The following GPC6 variants were observed in gnomAD, a reference collection of about 807,000 sequenced individuals.
GPC6 encodes glypican 6, also known as glypican-6.
In GPC6, 14 loss-of-function variants were observed where a neutral mutation model predicts 55.2. That is an observed-to-expected ratio of 0.25 (90% confidence interval 0.17 to 0.40). The LOEUF is 0.40. Ranked by LOEUF, GPC6 falls within the 10% of genes least tolerant of loss-of-function variation. GPC6 has a pLI of 1.00. For synonymous variants in GPC6, 278 were observed against 259.6 expected (o/e 1.07, Z -0.68); for missense variants, 641 against 708.5 (o/e 0.90, Z 1.08).
chr13:93,878,887 G>A (rs1271670425), intron 3 of GPC6, among the ~76,000 whole-genome samples: 1 of 152,106 alleles, frequency 6.6e-6, no homozygotes, highest in African/African-American at 2.4e-5. Context: ...ACCAAGAGAG[G>A]CAGGGATACA....
chr13:93,450,758 C>T (rs917573828), intron 1 of GPC6: 17 of 927,670 alleles, frequency 1.8e-5, no homozygotes, highest in Non-Finnish European at 2.1e-5. Flanking sequence ...TAAGGATGAA[C>T]CTTTAGGAAA....
At chr13:93,393,633 TCTCTC>T (rs1566333699) in intron 1 of GPC6, among the ~76,000 whole-genome samples, 5 of 151,040 alleles carry the variant, frequency 3.3e-5, no homozygotes, top group East Asian at 2.0e-4. Flanking sequence ...AGACCTGTTC[TCTCTC>T]TCTCTCTCTC....
At chr13:93,799,691 T>C (rs1655516533) in intron 2 of GPC6, among the ~76,000 whole-genome samples, 1 of 152,188 alleles carries the variant, frequency 6.6e-6, no homozygotes, top group African/African-American at 2.4e-5. Context: ...AAAGATGGTA[T>C]AAATGCCTAT....
chr13:93,311,270 T>C (rs531248965), intron 1 of GPC6, among the ~76,000 whole-genome samples: 1 of 152,338 alleles, frequency 6.6e-6, no homozygotes, highest in South Asian at 2.1e-4. Context: ...TGTCTTAACA[T>C]GCATTCATTT....
intron 2 of GPC6, among the ~76,000 whole-genome samples, chr13:93,711,888 A>G (rs1883080353): frequency 6.6e-6 from 1 of 151,764 alleles, no homozygotes; most frequent in Non-Finnish European, 1.5e-5. Flanking sequence ...TGGTAAGACA[A>G]TTCACAAGTA....
upstream of GPC6, chr13:93,226,644 C>T (rs1397431902): frequency 3.3e-5 from 5 of 152,198 alleles, no homozygotes; most frequent in Non-Finnish European, 7.3e-5. Flanking sequence ...GATGTCATTT[C>T]AGATCGGTAT....
At chr13:93,414,126 A>T (rs1396717660) in intron 1 of GPC6, among the ~76,000 whole-genome samples, 1 of 152,174 alleles carries the variant, frequency 6.6e-6, no homozygotes, top group Non-Finnish European at 1.5e-5. Flanking sequence ...GTGGGAAGGA[A>T]TCTTAACTAG....
At position 93,578,369 on chromosome 13, in the gene GPC6, CT is replaced by C. The variant is rs370196627; in HGVS notation, c.319+32950del. On this transcript the variant is annotated intron_variant, in intron 2 of 8. Transcript: ENST00000377047. ...GAGAGACTTTTATTACCCTTTCAGTCTTGTTATTTATTATTAGTTTGTTGAA... is the reference window on the plus strand; with the variant it reads ...GAGAGACTTTTATTACCCTTTCAGTCTGTTATTTATTATTAGTTTGTTGAA... Among the ~76,000 whole-genome samples, 658 of 151,908 alleles carry C rather than the reference CT, an allele frequency of 4.3e-3. 3 individuals are homozygous for C. Among genetic ancestry groups the C allele is most frequent in the Middle Eastern group, 0.02 (6 of 294 alleles).
intron 3 of GPC6, among the ~76,000 whole-genome samples, chr13:93,886,764 T>G (rs1371725778): frequency 5.3e-5 from 8 of 151,938 alleles, no homozygotes; most frequent in South Asian, 4.1e-4. Context: ...TTTTTTGTTT[T>G]TTTTTTTTTC....
intron 4 of GPC6, among the ~76,000 whole-genome samples, chr13:94,163,746 A>G (rs1888251439): frequency 6.6e-6 from 1 of 152,244 alleles, no homozygotes. Flanking sequence ...TGGCAGGACT[A>G]CAGTGCAACT....
intron 4 of GPC6, among the ~76,000 whole-genome samples, chr13:94,282,409 G>A (rs900229428): frequency 1.3e-5 from 2 of 152,162 alleles, no homozygotes; most frequent in African/African-American, 4.8e-5. Context: ...TCACTGTCAT[G>A]AGAACAGCAT....
chr13:93,640,764 C>CCT (rs1566463631), intron 2 of GPC6, among the ~76,000 whole-genome samples: 8 of 85,602 alleles, frequency 9.3e-5, no homozygotes, highest in East Asian at 5.5e-4. Context: ...TCCCTCCCTC[C>CCT]TCCCCACTTT....
intron 6 of GPC6, among the ~76,000 whole-genome samples, chr13:94,359,672 T>C (rs551908592): frequency 5.3e-5 from 8 of 152,210 alleles, no homozygotes; most frequent in Admixed American, 1.3e-4. Context: ...CTTTTTTTTT[T>C]TGAAGAGATA....
intron 2 of GPC6, among the ~76,000 whole-genome samples, chr13:93,814,361 A>G (rs1886784305): frequency 6.6e-6 from 1 of 152,202 alleles, no homozygotes; most frequent in African/African-American, 2.4e-5. Context: ...TTGTAATAAA[A>G]TCTCTAATCT....
chr13:93,732,896 G>A (rs1017133840), intron 2 of GPC6, among the ~76,000 whole-genome samples: 17 of 152,004 alleles, frequency 1.1e-4, no homozygotes, highest in Non-Finnish European at 2.2e-4. Context: ...TCTTCAATAT[G>A]AAAATTATTA....
At chr13:94,042,270 T>C (rs1255029036) in intron 4 of GPC6, among the ~76,000 whole-genome samples, 1 of 151,808 alleles carries the variant, frequency 6.6e-6, no homozygotes, top group African/African-American at 2.4e-5. Context: ...GAAGCCACCA[T>C]ACTTCCTGTA....
chr13:93,369,816 A>G (rs1051668807), intron 1 of GPC6, among the ~76,000 whole-genome samples: 1 of 152,184 alleles, frequency 6.6e-6, no homozygotes, highest in African/African-American at 2.4e-5. Flanking sequence ...ATCAACTTTT[A>G]TAATATTTCC....
chr13:94,112,532 T>A (rs889973453), intron 4 of GPC6, among the ~76,000 whole-genome samples: 1 of 152,172 alleles, frequency 6.6e-6, no homozygotes, highest in Non-Finnish European at 1.5e-5. Context: ...GGGTCCAAGT[T>A]CCCTTTCCAC....
chr13:94,345,241 CTG>C (rs1052232728), intron 6 of GPC6, among the ~76,000 whole-genome samples: 2 of 152,148 alleles, frequency 1.3e-5, no homozygotes, highest in Non-Finnish European at 2.9e-5. Context: ...CAATATTTTT[CTG>C]TCTTTCTTAA....
Sources: gnomAD v4.1 joint callset for allele counts (sites outside exome capture counted in the v4.1 genomes callset) on GRCh38, gnomAD v4.1.1 for gene constraint, MANE v1.5 for transcripts, NCBI Gene and HGNC (gene_info 2026-07-23, HGNC 2026-07-21) for gene names.